RABGAP1L: variants seen among roughly 807,000 people sequenced by gnomAD.
RABGAP1L encodes the protein rab GTPase-activating protein 1-like.
RABGAP1L carries 63 observed loss-of-function variants against 137.7 expected under a neutral mutation model. The ratio of observed to expected loss-of-function variants is 0.46; its 90% CI spans 0.37 to 0.56. The LOEUF (loss-of-function observed/expected upper bound fraction) is 0.56, where lower values mean the gene tolerates loss of function less well. Ranked by LOEUF, RABGAP1L falls within the 20% of genes least tolerant of loss-of-function variation. The pLI is 0.00. For missense variants in RABGAP1L, 1,095 were observed against 1,244.0 expected (o/e 0.88, Z 1.80); for synonymous variants, 431 against 433.7 (o/e 0.99, Z 0.08).
chr1:174,900,307 G>T (rs2149155677), intron 19 of RABGAP1L, among the ~76,000 whole-genome samples: 1 of 152,310 alleles, frequency 6.6e-6, no homozygotes, highest in Admixed American at 6.5e-5. Context: ...CCCGCTTACA[G>T]AATTTTCTGG....
At chr1:174,793,044 A>G (rs1687976295) in intron 18 of RABGAP1L, among the ~76,000 whole-genome samples, 2 of 152,158 alleles carry the variant, frequency 1.3e-5, no homozygotes, top group Admixed American at 6.5e-5. Context: ...AGGCAGGAGA[A>G]TCACTTGAAC....
chr1:174,325,994 G>A (rs552515056), intron 11 of RABGAP1L, among the ~76,000 whole-genome samples: 2 of 152,306 alleles, frequency 1.3e-5, no homozygotes, highest in African/African-American at 4.8e-5. Flanking sequence ...TGTGAGACTC[G>A]TGTCTAACCT....
intron 18 of RABGAP1L, among the ~76,000 whole-genome samples, chr1:174,785,556 T>G (rs1687389864): frequency 6.6e-6 from 1 of 152,268 alleles, no homozygotes; most frequent in East Asian, 1.9e-4. Context: ...TTAGCACACT[T>G]GCTGCTTAGG....
At chr1:174,172,745 AT>A (rs1390200724) in intron 1 of RABGAP1L, among the ~76,000 whole-genome samples, 1 of 151,992 alleles carries the variant, frequency 6.6e-6, no homozygotes. Flanking sequence ...TTCCTTATGT[AT>A]TTTGGATATT....
At chr1:174,474,800 A>C (rs1310348341) in intron 13 of RABGAP1L, among the ~76,000 whole-genome samples, 2 of 151,768 alleles carry the variant, frequency 1.3e-5, no homozygotes, top group African/African-American at 2.4e-5. Context: ...ACAGGGTTTT[A>C]CCATGTTGGC....
At chr1:174,788,274 T>G (rs1180922211) in intron 18 of RABGAP1L, among the ~76,000 whole-genome samples, 2 of 152,180 alleles carry the variant, frequency 1.3e-5, no homozygotes, top group African/African-American at 4.8e-5. Context: ...CTGTGTTCAT[T>G]TATCAGGAGG....
At chr1:174,983,394 TTTG>T (rs760932199) in intron 24 of RABGAP1L, among the ~76,000 whole-genome samples, 6 of 152,204 alleles carry the variant, frequency 3.9e-5, no homozygotes, top group Non-Finnish European at 8.8e-5. Flanking sequence ...ACCTGTGGCA[TTTG>T]TTTACTTGCT....
At chr1:174,974,433 TTC>T (rs1670471496) in intron 21 of RABGAP1L, among the ~76,000 whole-genome samples, 1 of 152,202 alleles carries the variant, frequency 6.6e-6, no homozygotes, top group Non-Finnish European at 1.5e-5. Flanking sequence ...TTATTTATTT[TTC>T]TCTTTTTGTT....
intron 11 of RABGAP1L, among the ~76,000 whole-genome samples, chr1:174,363,169 G>C (rs1004723234): frequency 1.8e-4 from 28 of 152,152 alleles, no homozygotes; most frequent in Non-Finnish European, 2.9e-4. Context: ...GTGCCATGCT[G>C]TCTTGGTTAC....
At chr1:174,527,628 C>T (rs1238298925) in intron 13 of RABGAP1L, among the ~76,000 whole-genome samples, 2 of 152,144 alleles carry the variant, frequency 1.3e-5, no homozygotes, top group African/African-American at 4.8e-5. Flanking sequence ...GGATAACAAT[C>T]TCTGTAAATG....
At chr1:174,270,195 CTT>C (rs758618582) in intron 7 of RABGAP1L, among the ~76,000 whole-genome samples, 5 of 139,392 alleles carry the variant, frequency 3.6e-5, no homozygotes, top group African/African-American at 5.2e-5. Context: ...GGTGGCAGGG[CTT>C]TTTTTTTTTT....
At chr1:174,756,923 G>C in intron 18 of RABGAP1L, 2 of 759,842 alleles carry the variant, frequency 2.6e-6, no homozygotes, top group East Asian at 4.6e-5. Flanking sequence ...GGCACCACCA[G>C]TGTCCCTCAG....
At chr1:174,679,135 C>T (rs576788665) in intron 14 of RABGAP1L, among the ~76,000 whole-genome samples, 72 of 152,274 alleles carry the variant, frequency 4.7e-4, no homozygotes, top group African/African-American at 1.7e-3. Context: ...TTCTCTCAGG[C>T]GATAGATGAT....
intron 1 of RABGAP1L, among the ~76,000 whole-genome samples, chr1:174,175,449 G>T (rs1279691470): frequency 6.6e-6 from 1 of 150,824 alleles, no homozygotes; most frequent in Non-Finnish European, 1.5e-5. Flanking sequence ...ACATTGTATT[G>T]CAACTTGCCT....
chr1:174,246,405 G>A (rs1672266482), intron 5 of RABGAP1L: 1 of 152,218 alleles, frequency 6.6e-6, no homozygotes, highest in African/African-American at 2.4e-5. Flanking sequence ...GTATTGAAGT[G>A]TTTGCCATGG....
chr1:174,160,555 T>C (rs1462934073), intron 1 of RABGAP1L, among the ~76,000 whole-genome samples: 1 of 152,194 alleles, frequency 6.6e-6, no homozygotes, highest in Non-Finnish European at 1.5e-5. Context: ...ATTGGTTTCA[T>C]GCAAGTAAAC....
intron 19 of RABGAP1L, among the ~76,000 whole-genome samples, chr1:174,880,675 A>G (rs1266612455): frequency 1.3e-5 from 2 of 151,372 alleles, no homozygotes; most frequent in African/African-American, 2.4e-5. Flanking sequence ...CTGCAGCCTC[A>G]AAGTCCTGGG....
intron 21 of RABGAP1L, among the ~76,000 whole-genome samples, chr1:174,971,110 A>G (rs879653359): frequency 3.9e-5 from 6 of 151,936 alleles, no homozygotes; most frequent in Non-Finnish European, 7.4e-5. Flanking sequence ...AAGATTAAAT[A>G]TAATTTTTAT....
intron 13 of RABGAP1L, among the ~76,000 whole-genome samples, chr1:174,602,755 T>C (rs1432209384): frequency 6.6e-6 from 1 of 152,226 alleles, no homozygotes; most frequent in East Asian, 1.9e-4. Context: ...AGTGTGTCCA[T>C]TGAATTTTTC....
Sources: gnomAD v4.1 joint callset for allele counts (sites outside exome capture counted in the v4.1 genomes callset) on GRCh38, gnomAD v4.1.1 for gene constraint, MANE v1.5 for transcripts, NCBI Gene and HGNC (gene_info 2026-07-23, HGNC 2026-07-21) for gene names.